Variants in HDAC4 observed in about 807,000 individuals in gnomAD.
HDAC4 encodes histone deacetylase 4.
In HDAC4, 16 loss-of-function variants were observed where a neutral mutation model predicts 135.1. The ratio of observed to expected loss-of-function variants is 0.12; its 90% confidence interval spans 0.08 to 0.18. The LOEUF (loss-of-function observed/expected upper bound fraction) is 0.18. HDAC4 is among the 10% of genes least tolerant of loss of function. The pLI, the probability that HDAC4 is intolerant of heterozygous loss-of-function variation, is 1.00. For missense variants in HDAC4, 1,143 were observed against 1,511.8 expected, an observed-to-expected ratio of 0.76 and a Z score of 4.05; for synonymous variants, 685 against 653.4, an observed-to-expected ratio of 1.05 and a Z score of -0.74.
intron 2 of HDAC4, among the ~76,000 whole-genome samples, chr2:239,304,122 G>C (rs148927720): frequency 6.6e-6 from 1 of 152,336 alleles, no homozygotes; most frequent in Non-Finnish European, 1.5e-5. Flanking sequence ...TAACCTCTCT[G>C]AGTCAGCTTT....
chr2:239,362,035 C>T (rs958381459), intron 1 of HDAC4, among the ~76,000 whole-genome samples: 1 of 152,180 alleles, frequency 6.6e-6, no homozygotes, highest in Non-Finnish European at 1.5e-5. Flanking sequence ...AAATAATAGA[C>T]GAATGTGGAC....
At chr2:239,196,450 T>C (rs2045388404) in intron 3 of HDAC4, among the ~76,000 whole-genome samples, 1 of 152,192 alleles carries the variant, frequency 6.6e-6, no homozygotes, top group African/African-American at 2.4e-5. Flanking sequence ...AACATCTGCA[T>C]ATATGTGGCC....
At chr2:239,229,525 G>A (rs971387859) in intron 3 of HDAC4, among the ~76,000 whole-genome samples, 3 of 152,222 alleles carry the variant, frequency 2.0e-5, no homozygotes, top group South Asian at 2.1e-4. Context: ...AGCCAAATAC[G>A]AGTGACCATG....
At chr2:239,392,101 G>C (rs535776453) in intron 1 of HDAC4, among the ~76,000 whole-genome samples, 58 of 152,356 alleles carry the variant, frequency 3.8e-4, no homozygotes, top group African/African-American at 1.3e-3. Flanking sequence ...TGCCGGGCAG[G>C]GGTGGGATGG....
chr2:239,401,499 G>A (rs1696994874), upstream of HDAC4: 1 of 176,498 alleles, frequency 5.7e-6, no homozygotes, highest in Non-Finnish European at 1.2e-5. Flanking sequence ...CCCCGGCCGT[G>A]TCCGGTCGCA....
At chr2:239,342,553 GA>G (rs1329363397) in intron 2 of HDAC4, among the ~76,000 whole-genome samples, 1 of 152,146 alleles carries the variant, frequency 6.6e-6, no homozygotes, top group East Asian at 1.9e-4. Flanking sequence ...TACTCCTTTT[GA>G]AAGTACAGAG....
At position 239,115,514 on chromosome 2, in the gene HDAC4, T is replaced by G. The variant is rs536636289; in HGVS notation, c.1534-204A>C. 1.0e-3 allele frequency among the ~76,000 whole-genome samples: 155 copies of G among 151,626 alleles called. No homozygotes were observed. The highest frequency in any genetic ancestry group is 3.4e-3 in the Middle Eastern group (1 of 294). On this transcript the variant is annotated intron_variant, in intron 12 of 26. Coordinates refer to ENST00000543185, the MANE Select transcript of HDAC4 (RefSeq NM_001378414.1). The surrounding 1 kb of genome is among the most constrained non-coding windows in gnomAD (Gnocchi z 6.3). ...GAGTGCCTAAGAAAATAATGCCCAG[T>G]AGGACCCCAGCCCAGGGTCAAGGTG...
intron 1 of HDAC4, among the ~76,000 whole-genome samples, chr2:239,396,775 G>A (rs1696589331): frequency 6.6e-6 from 1 of 152,198 alleles, no homozygotes; most frequent in African/African-American, 2.4e-5. Context: ...AGGTTTCTGG[G>A]TTGGTATTGA....
chr2:239,069,790 G>C (rs552030895), intron 22 of HDAC4, among the ~76,000 whole-genome samples: 7 of 151,348 alleles, frequency 4.6e-5, no homozygotes, highest in Non-Finnish European at 1.0e-4. Context: ...CACTTGCTTG[G>C]TGAGAGGGAG....
intron 1 of HDAC4, among the ~76,000 whole-genome samples, chr2:239,375,477 C>T (rs1033933550): frequency 1.3e-5 from 2 of 152,196 alleles, no homozygotes; most frequent in African/African-American, 2.4e-5. Context: ...CTGCCTCAGG[C>T]CTGAGCGTCC....
At chr2:239,075,818 C>T (rs1383124626) in intron 22 of HDAC4, among the ~76,000 whole-genome samples, 4 of 152,200 alleles carry the variant, frequency 2.6e-5, no homozygotes, top group African/African-American at 9.7e-5. Context: ...TAGAGCTGGG[C>T]TGGGACAGCA....
At chr2:239,101,472 C>T (rs1327163061) in intron 16 of HDAC4, among the ~76,000 whole-genome samples, 4 of 152,158 alleles carry the variant, frequency 2.6e-5, no homozygotes, top group African/African-American at 9.7e-5. Flanking sequence ...CCTCCTGCAA[C>T]GTGTGCCCTG....
At chr2:239,346,847 T>C (rs1403255382) in intron 2 of HDAC4, among the ~76,000 whole-genome samples, 2 of 128,984 alleles carry the variant, frequency 1.6e-5, no homozygotes, top group East Asian at 2.5e-4. Context: ...ACACACCCTG[T>C]CTCACACACA....
At chr2:239,231,317 A>C (rs547767697) in intron 3 of HDAC4, among the ~76,000 whole-genome samples, 1 of 152,316 alleles carries the variant, frequency 6.6e-6, no homozygotes, top group East Asian at 1.9e-4. Flanking sequence ...GGCCGATGGA[A>C]GGGCATCGCA....
chr2:239,323,978 G>A (rs1461337479), intron 2 of HDAC4, among the ~76,000 whole-genome samples: 2 of 152,162 alleles, frequency 1.3e-5, no homozygotes, highest in East Asian at 3.8e-4. Flanking sequence ...CTAGAATCCA[G>A]GCCACAGAAA....
At chr2:239,096,886 T>C (rs2037151390) in intron 16 of HDAC4, among the ~76,000 whole-genome samples, 1 of 152,022 alleles carries the variant, frequency 6.6e-6, no homozygotes. Flanking sequence ...CGGAGGCTTG[T>C]AGAATGGCCA....
At position 239,157,933 on chromosome 2, in the gene HDAC4, G is replaced by A. The variant is rs552337820; in HGVS notation, c.612-1160C>T. The stretch of plus-strand genomic sequence containing the variant: ...TCACAGGAGGAGCTCAGGGAGCTCC[G>A]GAAAACTGCACAGCTTCAGGCCACG... On this transcript the variant is annotated intron_variant, in intron 6 of 26. Coordinates refer to ENST00000543185, the MANE Select transcript of HDAC4 (RefSeq NM_001378414.1). Among the ~76,000 whole-genome samples, 7 of 152,270 alleles carry A rather than the reference G, an allele frequency of 4.6e-5. No homozygotes were observed. The South Asian group carries it at 1.2e-3, about 27-fold the overall frequency.
intron 2 of HDAC4, among the ~76,000 whole-genome samples, chr2:239,287,607 C>T (rs1559330392): frequency 6.6e-6 from 1 of 152,128 alleles, no homozygotes; most frequent in Non-Finnish European, 1.5e-5. Flanking sequence ...CACATCCAAC[C>T]TCGGGAGAGA....
At chr2:239,310,138 G>A (rs555060804) in intron 2 of HDAC4, among the ~76,000 whole-genome samples, 1 of 152,364 alleles carries the variant, frequency 6.6e-6, no homozygotes, top group Admixed American at 6.5e-5. Context: ...ATGGTCCGTG[G>A]CAGTCATTCA....
Sources: allele counts gnomAD v4.1 joint callset (sites outside exome capture counted in the v4.1 genomes callset), GRCh38; gene constraint gnomAD v4.1.1; non-coding constraint Gnocchi (gnomAD v3.1); transcripts MANE v1.5; gene names NCBI Gene and HGNC (gene_info 2026-07-23, HGNC 2026-07-21).